Variants in SH3GL2 observed in about 807,000 individuals in gnomAD.
SH3GL2 encodes the protein SH3 domain containing GRB2 like 2, endophilin A1.
In SH3GL2, 24 loss-of-function variants were observed where a neutral mutation model predicts 46.0. The ratio of observed to expected loss-of-function variants is 0.52; its 90% CI spans 0.38 to 0.73. SH3GL2 has a LOEUF of 0.73. SH3GL2 is among the 30% of genes least tolerant of loss of function. The pLI is 0.00. For synonymous variants in SH3GL2, 196 were observed against 147.1 expected (o/e 1.33, Z -2.40); for missense variants, 413 against 424.2 (o/e 0.97, Z 0.23).
chr9:17,729,618 A>G (rs921025516), intron 1 of SH3GL2, among the ~76,000 whole-genome samples: 4 of 152,192 alleles, frequency 2.6e-5, no homozygotes, highest in African/African-American at 9.7e-5. Flanking sequence ...TCTTTAATCC[A>G]TCTTGAATTA....
At chr9:17,587,380 T>C (rs1818398279) in intron 1 of SH3GL2, among the ~76,000 whole-genome samples, 1 of 152,206 alleles carries the variant, frequency 6.6e-6, no homozygotes, top group African/African-American at 2.4e-5. Context: ...TTTTACAATC[T>C]GGCTCTGCAA....
rs533445953 is a variant in SH3GL2, at chr9:17,676,565, C to T, written c.46-70501C>T. 2.6e-5 allele frequency among the ~76,000 whole-genome samples: 4 copies of T among 152,292 alleles called. No individual in the cohort carries two copies. In the East Asian group the frequency reaches 7.7e-4, roughly 29 times the overall value. ...AGGTTGCAATGAGCTGAGATTGCAC[C>T]ACTGCACTCCAGCCTGGGTGACAGA... On this transcript the variant is annotated intron_variant, in intron 1 of 8. Transcript: ENST00000380607.
In SH3GL2 at chr9:17,644,165, G is replaced by C. The variant is rs113277656; in HGVS notation, c.45+64878G>C. ...TCTGATGGTAGTTTATATTTCTGTG[G>C]GGTCAGTGGTGGTATCCCCTTTATA... On this transcript the variant is annotated intron_variant, in intron 1 of 8. Coordinates refer to ENST00000380607, the MANE Select transcript of SH3GL2 (RefSeq NM_003026.5). 3.3e-3 allele frequency among the ~76,000 whole-genome samples: 504 copies of C among 152,126 alleles called. 1 individual carries two copies. Among genetic ancestry groups the C allele is most frequent in the African/African-American group, 0.012 (486 of 41,516 alleles).
intron 1 of SH3GL2, among the ~76,000 whole-genome samples, chr9:17,605,269 G>A (rs1818742462): frequency 6.6e-6 from 1 of 152,062 alleles, no homozygotes; most frequent in Non-Finnish European, 1.5e-5. Flanking sequence ...AAGAGCTACT[G>A]CAGTAGGCTA....
At chr9:17,791,657 A>G (rs1824132403) in intron 7 of SH3GL2, among the ~76,000 whole-genome samples, 1 of 152,184 alleles carries the variant, frequency 6.6e-6, no homozygotes, top group Admixed American at 6.5e-5. Flanking sequence ...GATACATATC[A>G]TCATCAATCT....
At chr9:17,681,231 A>G (rs999455559) in intron 1 of SH3GL2, among the ~76,000 whole-genome samples, 1 of 152,180 alleles carries the variant, frequency 6.6e-6, no homozygotes, top group Non-Finnish European at 1.5e-5. Flanking sequence ...AGGAAGAGGT[A>G]AGTGGCAAAA....
chr9:17,750,912 T>C (rs1447442578), intron 2 of SH3GL2, among the ~76,000 whole-genome samples: 1 of 152,194 alleles, frequency 6.6e-6, no homozygotes, highest in African/African-American at 2.4e-5. Context: ...TTACAGAACA[T>C]AGTGCTTGGT....
chr9:17,788,464 G>T (rs781266184), intron 5 of SH3GL2, among the ~76,000 whole-genome samples: 20 of 151,990 alleles, frequency 1.3e-4, no homozygotes, highest in Admixed American at 1.1e-3. Flanking sequence ...TCCCTACTTT[G>T]TTTTCATTTC....
chr9:17,715,959 G>A (rs1259923315), intron 1 of SH3GL2, among the ~76,000 whole-genome samples: 1 of 151,988 alleles, frequency 6.6e-6, no homozygotes, highest in Non-Finnish European at 1.5e-5. Flanking sequence ...TTGGTTGTGT[G>A]GGTGTTCAAA....
chr9:17,721,627 G>T (rs190838046), intron 1 of SH3GL2, among the ~76,000 whole-genome samples: 50 of 152,004 alleles, frequency 3.3e-4, no homozygotes, highest in Admixed American at 3.1e-3. Context: ...AAGAAAAAAA[G>T]TATATTTTTA....
chr9:17,794,027 G>T lies in SH3GL2; in HGVS notation c.859+530G>T, dbSNP rs772327974. Reference sequence around the variant, plus strand: ...TGTAGAAGATGATATTTTGAAACTCGACACTTGCTGGGTTTTCCTTCCCAT... The same window carrying T: ...TGTAGAAGATGATATTTTGAAACTCTACACTTGCTGGGTTTTCCTTCCCAT... On this transcript the variant is annotated intron_variant, in intron 8 of 8. Coordinates refer to ENST00000380607, the MANE Select transcript of SH3GL2 (RefSeq NM_003026.5). Among the ~76,000 whole-genome samples the T allele has an allele frequency of 2.6e-5, 4 of 152,320 alleles. No homozygotes were observed. In the East Asian group the frequency reaches 7.7e-4, roughly 29 times the overall value.
chr9:17,662,155 TGTTG>T (rs1240913790), intron 1 of SH3GL2, among the ~76,000 whole-genome samples: 1 of 152,234 alleles, frequency 6.6e-6, no homozygotes, highest in African/African-American at 2.4e-5. Context: ...AGTTAGATCC[TGTTG>T]GTTGATGTCT....
chr9:17,737,000 C>T (rs552019641), intron 1 of SH3GL2, among the ~76,000 whole-genome samples: 4 of 152,252 alleles, frequency 2.6e-5, no homozygotes, highest in South Asian at 2.1e-4. Context: ...GGCACATATA[C>T]ACCATGGAAT....
intron 3 of SH3GL2, among the ~76,000 whole-genome samples, chr9:17,779,272 G>T (rs943313821): frequency 6.6e-6 from 1 of 152,134 alleles, no homozygotes; most frequent in Non-Finnish European, 1.5e-5. Flanking sequence ...TATGCATCAG[G>T]TTGACCACCA....
intron 1 of SH3GL2, among the ~76,000 whole-genome samples, chr9:17,646,581 A>G (rs931491530): frequency 1.3e-5 from 2 of 151,970 alleles, no homozygotes; most frequent in Non-Finnish European, 2.9e-5. Context: ...CTTTTTGTTG[A>G]TGTTGATACT....
intron 1 of SH3GL2, among the ~76,000 whole-genome samples, chr9:17,718,594 G>A (rs1259800406): frequency 2.6e-5 from 4 of 152,090 alleles, no homozygotes; most frequent in Admixed American, 2.0e-4. Context: ...TGGGCATGGT[G>A]GCACACACTT....
chr9:17,793,161 C>G (rs1020561676), intron 7 of SH3GL2, among the ~76,000 whole-genome samples: 4 of 152,294 alleles, frequency 2.6e-5, no homozygotes, highest in Middle Eastern at 3.4e-3. Context: ...AGAATGAAGA[C>G]AGTGAGGACA....
rs1823180656 is a variant in SH3GL2, at chr9:17,761,693, A to G, written c.187+184A>G. The G allele has an allele frequency of 6.1e-5, 40 of 655,300 alleles. No individual in the cohort carries two copies. The South Asian group carries it at 7.0e-4, about 11-fold the overall frequency. The allele number at this position is 655,300 out of a possible 1,614,324, so 40.6% of individuals were successfully genotyped here. On this transcript the variant is annotated intron_variant, in intron 3 of 8. Transcript: ENST00000380607. ...GGGAGAAGGGCTTTTTAAAGCTCAC[A>G]TTGAAGTAACTGGAAGATCTGTGGT...
intron 6 of SH3GL2, chr9:17,789,795 C>T (rs1588339278): frequency 2.0e-6 from 2 of 980,024 alleles, no homozygotes; most frequent in Non-Finnish European, 2.4e-6. Context: ...TACAGATGCT[C>T]CTTAACTTAT....
Sources: gnomAD v4.1 joint callset for allele counts (sites outside exome capture counted in the v4.1 genomes callset) on GRCh38, gnomAD v4.1.1 for gene constraint, MANE v1.5 for transcripts, NCBI Gene and HGNC (gene_info 2026-07-23, HGNC 2026-07-21) for gene names.